U2SURP: variants seen among roughly 807,000 people sequenced by gnomAD.
U2SURP encodes U2 snRNP associated SURP domain containing, also known as U2 snRNP-associated SURP motif-containing protein.
A neutral mutation model predicts 144.9 loss-of-function variants in U2SURP; 9 were observed. That is an observed-to-expected ratio of 0.06 (90% CI 0.04 to 0.11). The LOEUF is 0.11. U2SURP is among the 10% of genes least tolerant of loss of function. The pLI, the probability that U2SURP is intolerant of heterozygous loss-of-function variation, is 1.00. For synonymous variants in U2SURP, 408 were observed against 396.8 expected (o/e 1.03, Z -0.33); for missense variants, 724 against 1,226.7 (o/e 0.59, Z 6.12).
chr3:143,043,922 T>C (rs1218673387), intron 24 of U2SURP, among the ~76,000 whole-genome samples: 1 of 151,676 alleles, frequency 6.6e-6, no homozygotes, highest in Non-Finnish European at 1.5e-5. Flanking sequence ...GCTCATTTTT[T>C]TGTATTTTTT....
intron 5 of U2SURP, among the ~76,000 whole-genome samples, chr3:143,016,625 C>T (rs539855609): frequency 1.4e-4 from 22 of 152,178 alleles, no homozygotes; most frequent in African/African-American, 5.3e-4. Flanking sequence ...TTTAAGACAG[C>T]AGAGCACTTG....
intron 18 of U2SURP, 30 bp from the exon 19 acceptor site, chr3:143,034,858 A>G (rs1933723746): frequency 7.0e-7 from 1 of 1,418,680 alleles, no homozygotes; most frequent in African/African-American, 1.4e-5. Flanking sequence ...TAAACATTTT[A>G]TTTTAAAGAA....
intron 23 of U2SURP, among the ~76,000 whole-genome samples, 196 bp from the exon 24 acceptor site, chr3:143,042,921 A>G (rs1560199593): frequency 6.6e-6 from 1 of 152,174 alleles, no homozygotes; most frequent in Non-Finnish European, 1.5e-5. Context: ...TCTGTGGAGG[A>G]AAGAAGTGTT....
intron 18 of U2SURP, chr3:143,034,458 A>G (rs1490662065): frequency 6.6e-6 from 1 of 152,166 alleles, no homozygotes; most frequent in Non-Finnish European, 1.5e-5. Flanking sequence ...TTCTGTGTTT[A>G]TTTTATGAAT....
At chr3:143,054,458 A>G (rs1935046571) in intron 26 of U2SURP, among the ~76,000 whole-genome samples, 1 of 152,202 alleles carries the variant, frequency 6.6e-6, no homozygotes, top group Admixed American at 6.5e-5. Flanking sequence ...TTTTATTACT[A>G]TTTTGACATA....
intron 6 of U2SURP, among the ~76,000 whole-genome samples, chr3:143,018,398 AATACTCCATTTTATGGAC>A (rs1284782937): frequency 1.3e-5 from 2 of 152,206 alleles, no homozygotes; most frequent in African/African-American, 4.8e-5. Context: ...GTGGTTGAAT[AATACTCCATTTTATGGAC>A]ATACCATATA....
chr3:143,017,717 T>A (rs1936441007), intron 6 of U2SURP, among the ~76,000 whole-genome samples: 1 of 151,994 alleles, frequency 6.6e-6, no homozygotes, highest in Admixed American at 6.5e-5. Context: ...CCTCGTAGGC[T>A]CAGGTGGTCC....
At chr3:143,016,157 A>G in intron 4 of U2SURP, 100 bp from the exon 5 acceptor site, 1 of 928,616 alleles carries the variant, frequency 1.1e-6, no homozygotes, top group Non-Finnish European at 1.7e-6. Context: ...TTAACCTGGG[A>G]AGGGAGGGTT....
intron 23 of U2SURP, among the ~76,000 whole-genome samples, chr3:143,042,183 GTC>G (rs758441032): frequency 5.9e-5 from 9 of 152,038 alleles, no homozygotes; most frequent in Non-Finnish European, 1.0e-4. Flanking sequence ...ACTCATGATA[GTC>G]TCTCAGGTTT....
At chr3:143,004,933 T>G (rs550919958) in intron 1 of U2SURP, among the ~76,000 whole-genome samples, 1 of 152,150 alleles carries the variant, frequency 6.6e-6, no homozygotes, top group Non-Finnish European at 1.5e-5. Flanking sequence ...GAGCCTGTAA[T>G]TGTTTACTTA....
At chr3:143,039,183 G>A (rs181204454) in intron 23 of U2SURP, among the ~76,000 whole-genome samples, 2 of 151,750 alleles carry the variant, frequency 1.3e-5, no homozygotes, top group African/African-American at 2.4e-5. Context: ...TTTACGCTAG[G>A]TTATATTCTC....
intron 9 of U2SURP, 41 bp downstream of exon 9, chr3:143,021,426 A>G (rs1578129806): frequency 2.5e-6 from 4 of 1,609,276 alleles, no homozygotes; most frequent in Non-Finnish European, 3.4e-6. Flanking sequence ...AAATTTTCCA[A>G]ACTTTATGTT....
At chr3:143,024,342 T>G (rs916963802) in intron 13 of U2SURP, 3 of 371,778 alleles carry the variant, frequency 8.1e-6, no homozygotes, top group African/African-American at 6.3e-5. Context: ...GTCGTAAATT[T>G]CAGATAACGT....
Position 143,043,081 on chromosome 3 carries a change from G to A in U2SURP, c.2385-36G>A, listed in dbSNP as rs887585135. 16 of 1,560,840 alleles carry A rather than the reference G, an allele frequency of 1.0e-5. 1 individual carries two copies. Among genetic ancestry groups the A allele is most frequent in the Admixed American group, 1.9e-5 (1 of 52,720 alleles). ...CTGTAAAATATGGTACTCTCTTGCT[G>A]CCTTGACATACAATGTATTCTGCTT... On this transcript the variant is annotated intron_variant, in intron 23 of 27. Transcript: ENST00000473835.
intron 10 of U2SURP, 120 bp downstream of exon 10, chr3:143,021,675 A>T (rs1936642361): frequency 1.0e-6 from 1 of 987,882 alleles, no homozygotes. Flanking sequence ...GATAGTCTTT[A>T]GAGTTGTCTT....
intron 13 of U2SURP, chr3:143,025,688 T>C (rs1198169016): frequency 6.6e-6 from 1 of 152,140 alleles, no homozygotes; most frequent in Non-Finnish European, 1.5e-5. Context: ...AAGCAATGTT[T>C]TTAGTTTTTT....
chr3:143,048,875 ATAAT>A (rs759322294), intron 24 of U2SURP, among the ~76,000 whole-genome samples: 6 of 152,144 alleles, frequency 3.9e-5, no homozygotes, highest in Non-Finnish European at 7.3e-5. Context: ...GTCTCAAAAA[ATAAT>A]TAATTAAAAA....
At position 143,060,093 on chromosome 3, in the gene U2SURP, A is replaced by G. The variant is rs1296650356; in HGVS notation, c.*3643A>G. Reference sequence around the variant, plus strand: ...GATGCCTCAGTGTTTATTCAGTACCACCTCATGGAGCTTCAATGTAAATGG... The same window carrying G: ...GATGCCTCAGTGTTTATTCAGTACCGCCTCATGGAGCTTCAATGTAAATGG... On this transcript the variant is annotated 3_prime_UTR_variant, in exon 28 of 28. Coordinates refer to ENST00000473835, the MANE Select transcript of U2SURP (RefSeq NM_001080415.2). 6.6e-6 allele frequency: 1 copy of G among 152,346 alleles called. No individual in the cohort carries two copies. Among genetic ancestry groups the G allele is most frequent in the Non-Finnish European group, 1.5e-5 (1 of 67,882 alleles). 9.4% of individuals were successfully genotyped at this position (152,346 alleles called of 1,614,324 possible). A position where few individuals can be genotyped will look rare whatever the true frequency, so the allele number is the denominator to read the frequency against.
intron 1 of U2SURP, among the ~76,000 whole-genome samples, chr3:143,009,307 G>A (rs1936000072): frequency 6.6e-6 from 1 of 152,086 alleles, no homozygotes; most frequent in Non-Finnish European, 1.5e-5. Flanking sequence ...GACAGAAAGA[G>A]TGAGATGGGG....
Sources: gnomAD v4.1 joint callset for allele counts (sites outside exome capture counted in the v4.1 genomes callset) on GRCh38, gnomAD v4.1.1 for gene constraint, MANE v1.5 for transcripts, NCBI Gene and HGNC (gene_info 2026-07-23, HGNC 2026-07-21) for gene names.